The following DAB1 variants were observed in gnomAD, a reference collection of about 807,000 sequenced individuals.
DAB1 encodes DAB adaptor protein 1, also known as disabled homolog 1.
A neutral mutation model predicts 64.6 loss-of-function variants in DAB1; 15 were observed. The observed-to-expected ratio is 0.23, with a 90% confidence interval of 0.16 to 0.36. The LOEUF (loss-of-function observed/expected upper bound fraction) is 0.36, where lower values mean the gene tolerates loss of function less well. DAB1 is among the 10% of genes least tolerant of loss of function. The pLI, the probability that DAB1 is intolerant of heterozygous loss-of-function variation, is 1.00. For missense variants in DAB1, 596 were observed against 706.7 expected, an observed-to-expected ratio of 0.84 and a Z score of 1.78; for synonymous variants, 235 against 251.9, an observed-to-expected ratio of 0.93 and a Z score of 0.64.
chr1:57,395,459 A>G (rs1299436519), intron 1 of DAB1, among the ~76,000 whole-genome samples: 1 of 152,184 alleles, frequency 6.6e-6, no homozygotes, highest in Non-Finnish European at 1.5e-5. Context: ...ATCACGGGAA[A>G]CGTAAAGAAG....
At chr1:57,828,465 G>A (rs914682686) in intron 1 of DAB1, among the ~76,000 whole-genome samples, 4 of 151,968 alleles carry the variant, frequency 2.6e-5, no homozygotes, top group African/African-American at 9.7e-5. Flanking sequence ...GGCTTTCATT[G>A]TTTTTTCTTT....
At chr1:57,876,435 C>A (rs1372824832) in intron 1 of DAB1, 1 of 152,210 alleles carries the variant, frequency 6.6e-6, no homozygotes, top group Non-Finnish European at 1.5e-5. Flanking sequence ...CAGTACCTGG[C>A]ACACATATGT....
intron 5 of DAB1, among the ~76,000 whole-genome samples, chr1:57,978,023 C>A (rs1295699433): frequency 2.0e-5 from 3 of 152,146 alleles, no homozygotes; most frequent in African/African-American, 4.8e-5. Context: ...CCATCCCCAA[C>A]AAGCTACCAC....
chr1:58,470,563 C>G (rs1356562768), intron 3 of DAB1, among the ~76,000 whole-genome samples: 1 of 152,220 alleles, frequency 6.6e-6, no homozygotes, highest in East Asian at 1.9e-4. Context: ...CACTGTCAAA[C>G]CCATTCCTGG....
chr1:58,227,272 C>T (rs1429760483), intron 4 of DAB1, among the ~76,000 whole-genome samples: 1 of 152,084 alleles, frequency 6.6e-6, no homozygotes, highest in African/African-American at 2.4e-5. Flanking sequence ...CAAAGGTTGC[C>T]CAAGATCAGG....
At chr1:57,959,471 C>T (rs750043150) in intron 5 of DAB1, among the ~76,000 whole-genome samples, 3 of 152,168 alleles carry the variant, frequency 2.0e-5, no homozygotes, top group Non-Finnish European at 4.4e-5. Flanking sequence ...TTCACATCCT[C>T]GCAGTAACCC....
intron 4 of DAB1, among the ~76,000 whole-genome samples, chr1:58,336,047 C>G (rs1663110026): frequency 6.6e-6 from 1 of 152,164 alleles, no homozygotes; most frequent in Admixed American, 6.5e-5. Flanking sequence ...TAAACCACCC[C>G]CCAAGAGGAA....
intron 5 of DAB1, among the ~76,000 whole-genome samples, chr1:58,021,074 A>T (rs1432233541): frequency 6.6e-6 from 1 of 152,196 alleles, no homozygotes; most frequent in East Asian, 1.9e-4. Context: ...TCAACCAATG[A>T]AAGCAAGTGT....
intron 1 of DAB1, among the ~76,000 whole-genome samples, chr1:57,360,269 T>C (rs1679442641): frequency 6.6e-6 from 1 of 152,000 alleles, no homozygotes; most frequent in African/African-American, 2.4e-5. Context: ...CTCCAAAAAG[T>C]ACTAGGCGGT....
intron 3 of DAB1, among the ~76,000 whole-genome samples, chr1:58,381,588 T>C (rs1020942008): frequency 1.3e-5 from 2 of 152,040 alleles, no homozygotes; most frequent in Non-Finnish European, 2.9e-5. Context: ...GATATAGAAA[T>C]GGTGAAATGT....
intron 6 of DAB1, among the ~76,000 whole-genome samples, chr1:57,723,189 A>C (rs548462065): frequency 6.6e-6 from 1 of 152,276 alleles, no homozygotes; most frequent in African/African-American, 2.4e-5. Context: ...CCATAGCTAA[A>C]GTAGACTTGA....
chr1:57,910,984 AC>A (rs759021141), intron 5 of DAB1, among the ~76,000 whole-genome samples: 12 of 152,220 alleles, frequency 7.9e-5, no homozygotes, highest in Non-Finnish European at 1.6e-4. Flanking sequence ...GTAGAACAGT[AC>A]CAGATACTTA....
chr1:57,241,417 G>T (rs530177061), intron 2 of DAB1, among the ~76,000 whole-genome samples: 1 of 152,126 alleles, frequency 6.6e-6, no homozygotes, highest in African/African-American at 2.4e-5. Flanking sequence ...AAAACACCCA[G>T]GTTTCATTCT....
intron 4 of DAB1, among the ~76,000 whole-genome samples, chr1:58,285,313 G>T (rs560421227): frequency 3.9e-5 from 6 of 152,248 alleles, no homozygotes; most frequent in African/African-American, 1.4e-4. Flanking sequence ...GAGCAATTGG[G>T]CAAGAGAAAG....
intron 5 of DAB1, among the ~76,000 whole-genome samples, chr1:58,058,536 T>A (rs1197408366): frequency 6.6e-6 from 1 of 152,220 alleles, no homozygotes; most frequent in East Asian, 1.9e-4. Context: ...GAAGGTGCAA[T>A]TGATTCAAAG....
intron 9 of DAB1, among the ~76,000 whole-genome samples, chr1:57,035,482 T>C (rs1271601887): frequency 6.6e-6 from 1 of 152,136 alleles, no homozygotes; most frequent in East Asian, 1.9e-4. Context: ...AGGTGGCCTT[T>C]GGAGAGGTGT....
At chr1:57,584,770 CTG>C (rs1296359190) in intron 7 of DAB1, among the ~76,000 whole-genome samples, 2 of 152,176 alleles carry the variant, frequency 1.3e-5, no homozygotes, top group Non-Finnish European at 2.9e-5. Context: ...CTCCAGCTTT[CTG>C]TGTTGTTAGG....
intron 6 of DAB1, among the ~76,000 whole-genome samples, chr1:57,679,120 A>G (rs761180365): frequency 2.0e-5 from 3 of 152,254 alleles, no homozygotes; most frequent in Non-Finnish European, 4.4e-5. Context: ...AATATGGTAT[A>G]CAGAGAAGTT....
At chr1:57,283,287 T>C (rs1207011898) in intron 2 of DAB1, among the ~76,000 whole-genome samples, 1 of 152,216 alleles carries the variant, frequency 6.6e-6, no homozygotes, top group Non-Finnish European at 1.5e-5. Context: ...CAGTTATTCT[T>C]GGAGCAAGTA....
Sources: gnomAD v4.1 joint callset for allele counts (sites outside exome capture counted in the v4.1 genomes callset) on GRCh38, gnomAD v4.1.1 for gene constraint, MANE v1.5 for transcripts, NCBI Gene and HGNC (gene_info 2026-07-23, HGNC 2026-07-21) for gene names.